The following LRBA variants were observed in gnomAD, a reference collection of about 807,000 sequenced individuals.
LRBA encodes the protein LPS responsive beige-like anchor protein.
LRBA carries 176 observed loss-of-function variants against 330.0 expected under a neutral mutation model. The observed-to-expected ratio is 0.53, with a 90% CI of 0.47 to 0.60. The LOEUF (loss-of-function observed/expected upper bound fraction) is 0.60, where lower values mean the gene tolerates loss of function less well. Among genes scored for constraint, LRBA ranks in the 20% least tolerant of loss-of-function variants. The pLI is 0.00. For synonymous variants in LRBA, 1,230 were observed against 1,193.0 expected, an observed-to-expected ratio of 1.03 and a Z score of -0.64; for missense variants, 3,259 against 3,444.8, an observed-to-expected ratio of 0.95 and a Z score of 1.35.
chr4:150,450,408 T>C (rs752043281), intron 44 of LRBA, among the ~76,000 whole-genome samples: 2 of 152,150 alleles, frequency 1.3e-5, no homozygotes, highest in Non-Finnish European at 1.5e-5. Context: ...TAGAGGAGGA[T>C]CTTTCCTTGC....
intron 53 of LRBA, among the ~76,000 whole-genome samples, chr4:150,287,186 T>C (rs922246103): frequency 2.0e-5 from 3 of 152,156 alleles, no homozygotes; most frequent in African/African-American, 7.2e-5. Context: ...CCCAGACACC[T>C]GACTATCCTT....
At chr4:150,346,355 T>C (rs1736303251) in intron 48 of LRBA, among the ~76,000 whole-genome samples, 1 of 152,042 alleles carries the variant, frequency 6.6e-6, no homozygotes, top group Admixed American at 6.6e-5. Context: ...CAGTTAAGGC[T>C]TAATTTTCTC....
intron 36 of LRBA, among the ~76,000 whole-genome samples, chr4:150,715,591 C>T (rs926995803): frequency 9.2e-5 from 14 of 152,168 alleles, no homozygotes; most frequent in African/African-American, 3.4e-4. Flanking sequence ...TAAAATACCA[C>T]ATCAGGTTGC....
intron 40 of LRBA, among the ~76,000 whole-genome samples, chr4:150,515,858 G>A (rs982295586): frequency 2.6e-5 from 4 of 151,910 alleles, no homozygotes; most frequent in African/African-American, 9.7e-5. Flanking sequence ...AACAAGAAAG[G>A]CAGAGAGGGA....
intron 2 of LRBA, among the ~76,000 whole-genome samples, chr4:150,932,636 C>A (rs1734636567): frequency 6.6e-6 from 1 of 152,108 alleles, no homozygotes; most frequent in African/African-American, 2.4e-5. Flanking sequence ...CAATTTGGGG[C>A]TGGGTACGTT....
intron 44 of LRBA, among the ~76,000 whole-genome samples, chr4:150,444,569 C>T (rs1271730681): frequency 1.3e-5 from 2 of 152,132 alleles, no homozygotes; most frequent in Non-Finnish European, 2.9e-5. Flanking sequence ...TGGTTTGGCA[C>T]TTATCCTCAC....
At chr4:150,386,980 T>C (rs914784836) in intron 47 of LRBA, among the ~76,000 whole-genome samples, 1 of 152,254 alleles carries the variant, frequency 6.6e-6, no homozygotes, top group Admixed American at 6.5e-5. Flanking sequence ...AGATGGTATC[T>C]CATTGTGGGT....
intron 48 of LRBA, among the ~76,000 whole-genome samples, chr4:150,347,357 T>C (rs925783081): frequency 1.3e-5 from 2 of 151,962 alleles, no homozygotes; most frequent in African/African-American, 2.4e-5. Flanking sequence ...TCAAAAATGG[T>C]AAAAATGGCC....
In LRBA at chr4:150,583,167, G is replaced by C; in HGVS notation, c.6330+4881C>G. 1 of 1,614,240 alleles carries C rather than the reference G, an allele frequency of 6.2e-7. No individual in the cohort carries two copies. Among genetic ancestry groups the C allele is most frequent in the Non-Finnish European group, 8.5e-7 (1 of 1,180,030 alleles). Reference sequence around the variant, plus strand: ...TCTCGGACGTGCTCAAGGAAGTGGAGGTGCAGGAGCCTCGCTTCATCAGCT... The same window carrying C: ...TCTCGGACGTGCTCAAGGAAGTGGACGTGCAGGAGCCTCGCTTCATCAGCT... On this transcript the variant is annotated intron_variant, in intron 40 of 56. Coordinates refer to ENST00000651943, the MANE Select transcript of LRBA (RefSeq NM_001364905.1). The surrounding 1 kb of genome is among the most constrained non-coding windows in gnomAD (Gnocchi z 9.8).
chr4:150,561,321 T>A (rs1768308831), intron 40 of LRBA, among the ~76,000 whole-genome samples: 1 of 152,152 alleles, frequency 6.6e-6, no homozygotes, highest in Non-Finnish European at 1.5e-5. Context: ...GTATGCAGAA[T>A]GATGCTCCCT....
At chr4:150,310,592 AGAG>A (rs2126880542) in intron 51 of LRBA, 1 of 469,462 alleles carries the variant, frequency 2.1e-6, no homozygotes, top group East Asian at 3.3e-5. Flanking sequence ...AATTTTGCTT[AGAG>A]GAAAGAAAGA....
At chr4:150,946,425 GA>G (rs1281346342) in intron 2 of LRBA, among the ~76,000 whole-genome samples, 2 of 152,006 alleles carry the variant, frequency 1.3e-5, no homozygotes, top group Non-Finnish European at 2.9e-5. Context: ...TGGGTTCTCT[GA>G]CCACAATGAA....
chr4:150,655,330 T>C (rs1341103694), intron 37 of LRBA, among the ~76,000 whole-genome samples: 1 of 152,200 alleles, frequency 6.6e-6, no homozygotes, highest in Non-Finnish European at 1.5e-5. Flanking sequence ...ATATTCTTCA[T>C]TGTGTAAATG....
rs773074081 is a variant in LRBA, at chr4:150,928,887, C to T, written c.395G>A (p.Gly132Asp). 6.2e-7 allele frequency: 1 copy of T among 1,614,036 alleles called. No homozygotes were observed. Among genetic ancestry groups the T allele is most frequent in the East Asian group, 2.2e-5 (1 of 44,866 alleles). The change falls in exon 3 of 57, where the codon GGC (glycine) becomes GAC (aspartate). Residue 132 changes from glycine (G) to aspartate (D), a missense_variant. Transcript: ENST00000651943. ...IRNLQVCTEV[G>D]LVEKVLGKIE... is the part of the protein sequence containing the mutation. ...TTTCCCAAGCACTTTTTCAACAAGG[C>T]CTACTTCAGTGCAGACTTGAAGATT...
At chr4:150,277,397 C>G (rs1290041787) in intron 56 of LRBA, among the ~76,000 whole-genome samples, 3 of 151,938 alleles carry the variant, frequency 2.0e-5, no homozygotes, top group African/African-American at 7.3e-5. Flanking sequence ...TGCACATGTA[C>G]CCCAGAACTT....
intron 47 of LRBA, among the ~76,000 whole-genome samples, chr4:150,379,303 C>CAA (rs10634420): frequency 0.35 from 20,530 of 59,478 alleles, 4,640 homozygotes; most frequent in Middle Eastern, 0.45. Flanking sequence ...AACTCTAGCT[C>CAA]AAAAAAAAAA....
chr4:150,573,388 C>T (rs1770115127), intron 40 of LRBA, among the ~76,000 whole-genome samples: 1 of 152,100 alleles, frequency 6.6e-6, no homozygotes, highest in Non-Finnish European at 1.5e-5. Context: ...CTTTGCAAAC[C>T]CACAGAGTGC....
intron 17 of LRBA, among the ~76,000 whole-genome samples, chr4:150,883,009 G>T (rs963270267): frequency 2.4e-4 from 36 of 152,164 alleles, no homozygotes; most frequent in African/African-American, 8.7e-4. Flanking sequence ...TGATGACTAT[G>T]ACACAGTTTG....
intron 2 of LRBA, among the ~76,000 whole-genome samples, chr4:150,999,042 G>A (rs1297366401): frequency 6.6e-6 from 1 of 152,112 alleles, no homozygotes; most frequent in African/African-American, 2.4e-5. Flanking sequence ...CTTTACAAAT[G>A]CCTACAAATA....
Sources: gnomAD v4.1 joint callset for allele counts (sites outside exome capture counted in the v4.1 genomes callset) on GRCh38, gnomAD v4.1.1 for gene constraint, Gnocchi (gnomAD v3.1) non-coding constraint, MANE v1.5 for transcripts, NCBI Gene and HGNC (gene_info 2026-07-23, HGNC 2026-07-21) for gene names.